SP140: variants seen among roughly 807,000 people sequenced by gnomAD.
The protein encoded by SP140 is nuclear body protein SP140.
In SP140, 81 loss-of-function variants were observed where a neutral mutation model predicts 125.0. That is an observed-to-expected ratio of 0.65 (90% CI 0.54 to 0.78). The LOEUF (loss-of-function observed/expected upper bound fraction) is 0.78. Ranked by LOEUF, SP140 falls within the 30% of genes least tolerant of loss-of-function variation. The probability of loss-of-function intolerance (pLI) is 0.00; values close to 1 mark genes in which losing one functional copy is unlikely to be tolerated. For missense variants in SP140, 858 were observed against 1,037.0 expected (o/e 0.83, Z 2.37); for synonymous variants, 312 against 354.0 (o/e 0.88, Z 1.33).
At chr2:230,228,795 C>A (rs1301807143) in intron 1 of SP140, among the ~76,000 whole-genome samples, 1 of 152,084 alleles carries the variant, frequency 6.6e-6, no homozygotes. Flanking sequence ...TTTACAATGA[C>A]TTTCTTATAG....
intron 15 of SP140, among the ~76,000 whole-genome samples, chr2:230,278,331 A>G (rs984814285): frequency 2.0e-5 from 3 of 152,046 alleles, no homozygotes; most frequent in African/African-American, 7.2e-5. Context: ...TCAGATTATG[A>G]CATGCTTTTG....
At chr2:230,202,495 A>G (rs1387406556), upstream of SP140, 9 of 1,309,046 alleles carry the variant, frequency 6.9e-6, no homozygotes, top group South Asian at 2.4e-5. Flanking sequence ...TTGACTTTAC[A>G]TATCTACTTA....
At position 230,280,603 on chromosome 2, in the gene SP140, C is replaced by T. The variant is rs997506290; in HGVS notation, c.1499-3743C>T. 2.0e-5 allele frequency among the ~76,000 whole-genome samples: 3 copies of T among 151,956 alleles called. No homozygotes were observed. In the South Asian group the frequency reaches 6.2e-4, roughly 32 times the overall value. ...GATTGGTATAAAACTATATATTCTCCCCTTTCTCCCTGCTGGTTTGGAAAT... is the reference window on the plus strand; with the variant it reads ...GATTGGTATAAAACTATATATTCTCTCCTTTCTCCCTGCTGGTTTGGAAAT... On this transcript the variant is annotated intron_variant, in intron 15 of 26. Coordinates refer to ENST00000392045, the MANE Select transcript of SP140 (RefSeq NM_007237.5).
In SP140 at chr2:230,297,306, T is replaced by C; in HGVS notation, c.2017-115T>C. 3 of 1,290,568 alleles carry C rather than the reference T, an allele frequency of 2.3e-6. No individual in the cohort carries two copies. In the South Asian group the frequency reaches 4.4e-5, roughly 19 times the overall value. 79.9% of individuals were successfully genotyped at this position (1,290,568 alleles called of 1,614,324 possible). A position where few individuals can be genotyped will look rare whatever the true frequency, so the allele number is the denominator to read the frequency against. On this transcript the variant is annotated intron_variant, in intron 21 of 26. Coordinates refer to ENST00000392045, the MANE Select transcript of SP140 (RefSeq NM_007237.5). ...TACTGGCCTTCTCTCTTCCCAATTA[T>C]TTTTTAACAACTGGTTCCTGAATCC...
intron 26 of SP140, 152 bp downstream of exon 26, chr2:230,311,747 C>T (rs1285285668): frequency 4.5e-6 from 5 of 1,111,960 alleles, no homozygotes; most frequent in African/African-American, 1.6e-5. Context: ...AGAACTTAAG[C>T]TCTTCTTAGC....
the SP140 span, among the ~76,000 whole-genome samples, chr2:230,197,467 C>T: frequency 1.4e-3 from 207 of 149,540 alleles, 1 homozygote; most frequent in African/African-American, 4.5e-3. Context: ...GAGTAGGTTG[C>T]GAAAATTTTC....
chr2:230,265,793 G>GA (rs889134868), intron 12 of SP140, among the ~76,000 whole-genome samples: 2 of 145,504 alleles, frequency 1.4e-5, no homozygotes, highest in African/African-American at 5.0e-5. Flanking sequence ...AGTTTTACGG[G>GA]GGGGGGCGGT....
chr2:230,272,648 C>T (rs941946505), intron 15 of SP140, among the ~76,000 whole-genome samples: 3 of 152,122 alleles, frequency 2.0e-5, no homozygotes, highest in Non-Finnish European at 4.4e-5. Context: ...ACTCTTTTTC[C>T]TGTATAAATT....
intron 3 of SP140, chr2:230,215,034 G>C (rs1487043937): frequency 6.2e-7 from 1 of 1,613,414 alleles, no homozygotes; most frequent in Admixed American, 1.7e-5. Flanking sequence ...AGAAGAGACA[G>C]GTTAAAAGTC....
At position 230,284,344 on chromosome 2, in the gene SP140, AGGAAAAAAGAGG is replaced by A; in HGVS notation, c.1500_1511del (p.Lys501_Gly504del). 6.2e-7 allele frequency: 1 copy of A among 1,603,602 alleles called. No individual in the cohort carries two copies. The highest frequency in any genetic ancestry group is 8.5e-7 in the Non-Finnish European group (1 of 1,175,144). ...ATTAACTTTATTCTCTTTGGTTTGA[AGGAAAAAAGAGG>A]GGGCATGGCTGGAGCAGAATGAGAA... On this transcript the variant is annotated splice_acceptor_variant and coding_sequence_variant, in exon 16 of 27. Coordinates refer to ENST00000392045, the MANE Select transcript of SP140 (RefSeq NM_007237.5). LOFTEE classifies it high-confidence loss of function.
intron 1 of SP140, among the ~76,000 whole-genome samples, chr2:230,206,407 T>G (rs1181379257): frequency 6.6e-6 from 1 of 151,682 alleles, no homozygotes; most frequent in Non-Finnish European, 1.5e-5. Context: ...TTGGTGCTCC[T>G]CTGTCTTCAC....
chr2:230,294,245 T>C (rs538560637), intron 20 of SP140, 26 bp from the exon 21 acceptor site: 2 of 1,606,322 alleles, frequency 1.2e-6, no homozygotes, highest in Non-Finnish European at 1.7e-6. Context: ...AGGCTGACCA[T>C]ATACCTGAAT....
At chr2:230,208,437 G>A (rs565232231) in intron 1 of SP140, among the ~76,000 whole-genome samples, 7 of 152,260 alleles carry the variant, frequency 4.6e-5, no homozygotes, top group African/African-American at 1.7e-4. Flanking sequence ...GAGAGAGAAG[G>A]GATCATGGAT....
intron 21 of SP140, 147 bp from the exon 22 acceptor site, chr2:230,297,274 C>A (rs1473768774): frequency 1.1e-6 from 1 of 878,754 alleles, no homozygotes; most frequent in African/African-American, 1.7e-5. Flanking sequence ...CTGGAGCCAC[C>A]CCAGCCTACT....
chr2:230,191,228 G>C, the SP140 span, among the ~76,000 whole-genome samples: 3 of 152,184 alleles, frequency 2.0e-5, no homozygotes, highest in Admixed American at 6.5e-5. Context: ...ACAATTAAAA[G>C]AGCTAGAGAG....
At chr2:230,207,527 G>A (rs971442008) in intron 1 of SP140, among the ~76,000 whole-genome samples, 11 of 152,194 alleles carry the variant, frequency 7.2e-5, no homozygotes, top group South Asian at 4.1e-4. Context: ...AAAGGAACAG[G>A]TCAATAATTG....
chr2:230,221,106 C>T (rs1361879296), upstream of SP140, among the ~76,000 whole-genome samples: 2 of 151,834 alleles, frequency 1.3e-5, no homozygotes, highest in Non-Finnish European at 2.9e-5. Flanking sequence ...CATGGTGAAA[C>T]CCCATCTCTA....
intron 21 of SP140, among the ~76,000 whole-genome samples, chr2:230,296,908 GCA>G (rs2057789284): frequency 6.6e-6 from 1 of 152,176 alleles, no homozygotes; most frequent in African/African-American, 2.4e-5. Flanking sequence ...GGTAGTACTT[GCA>G]CACTTTTTAT....
chr2:230,259,611 C>T (rs1022380953), intron 12 of SP140, among the ~76,000 whole-genome samples: 14 of 151,172 alleles, frequency 9.3e-5, no homozygotes, highest in Non-Finnish European at 1.5e-4. Context: ...TGCTTGAACC[C>T]GGGAGGTGGA....
Sources: gnomAD v4.1 joint callset for allele counts (sites outside exome capture counted in the v4.1 genomes callset) on GRCh38, gnomAD v4.1.1 for gene constraint, MANE v1.5 for transcripts, NCBI Gene and HGNC (gene_info 2026-07-23, HGNC 2026-07-21) for gene names.